RELN: variants seen among roughly 807,000 people sequenced by gnomAD.
RELN encodes reelin.
Under a neutral mutation model 427.6 loss-of-function variants are expected in RELN, and 108 were observed. The ratio of observed to expected loss-of-function variants is 0.25; its 90% CI spans 0.22 to 0.30. The LOEUF is 0.30. RELN is among the 10% of genes least tolerant of loss of function. The pLI is 1.00. For synonymous variants in RELN, 1,524 were observed against 1,513.4 expected, an observed-to-expected ratio of 1.01 and a Z score of -0.16; for missense variants, 3,715 against 4,302.8, an observed-to-expected ratio of 0.86 and a Z score of 3.82.
intron 11 of RELN, among the ~76,000 whole-genome samples, chr7:103,674,991 C>T (rs1057255774): frequency 6.6e-6 from 1 of 152,162 alleles, no homozygotes; most frequent in South Asian, 2.1e-4. Flanking sequence ...CAGAGATGCC[C>T]TCTCTCACCA....
At chr7:103,754,603 C>T (rs1433849290) in intron 4 of RELN, among the ~76,000 whole-genome samples, 4 of 119,204 alleles carry the variant, frequency 3.4e-5, no homozygotes, top group Non-Finnish European at 3.9e-5. Flanking sequence ...TAGGAGACCT[C>T]GTCTCTAAAA....
chr7:103,543,443 C>T (rs1159988634), intron 42 of RELN, among the ~76,000 whole-genome samples: 23 of 152,052 alleles, frequency 1.5e-4, no homozygotes, highest in Admixed American at 1.4e-3. Flanking sequence ...GTCAGGAGTT[C>T]GAGACCAGCC....
At chr7:103,808,510 G>T (rs778973324) in intron 3 of RELN, among the ~76,000 whole-genome samples, 20 of 150,966 alleles carry the variant, frequency 1.3e-4, no homozygotes, top group Non-Finnish European at 2.1e-4. Context: ...GACTTTTTAG[G>T]AAAATCTGTA....
At chr7:103,501,050 T>A in intron 52 of RELN, 128 bp from the exon 53 acceptor site, 1 of 835,168 alleles carries the variant, frequency 1.2e-6, no homozygotes, top group Non-Finnish European at 2.0e-6. Flanking sequence ...TGAAATAGGT[T>A]AATAAAAAAT....
At chr7:103,628,026 G>C (rs938953135) in intron 20 of RELN, 2 of 152,144 alleles carry the variant, frequency 1.3e-5, no homozygotes, top group Non-Finnish European at 2.9e-5. Flanking sequence ...TTGCATTCAT[G>C]ATATGATTCT....
intron 46 of RELN, among the ~76,000 whole-genome samples, chr7:103,530,912 A>G (rs1340174434): frequency 2.6e-5 from 4 of 152,134 alleles, no homozygotes. Context: ...TTTCTTGGGT[A>G]TATGTCTAAT....
chr7:103,930,019 GCCTCATATATT>G (rs1795826335), intron 1 of RELN, among the ~76,000 whole-genome samples: 1 of 152,208 alleles, frequency 6.6e-6, no homozygotes, highest in Non-Finnish European at 1.5e-5. Flanking sequence ...TAAGGCAAAG[GCCTCATATATT>G]GCTCACCTCA....
chr7:103,642,826 G>A (rs1250142187), intron 16 of RELN, among the ~76,000 whole-genome samples: 2 of 151,966 alleles, frequency 1.3e-5, no homozygotes, highest in South Asian at 2.1e-4. Context: ...AAAGTCACTC[G>A]TATTCTGCTA....
chr7:103,770,355 A>C (rs894346735), intron 4 of RELN, among the ~76,000 whole-genome samples: 2 of 152,296 alleles, frequency 1.3e-5, no homozygotes, highest in African/African-American at 4.8e-5. Context: ...AAGTGTTGGG[A>C]TTACAGGCAT....
At chr7:103,727,284 C>T (rs1790235856) in intron 7 of RELN, among the ~76,000 whole-genome samples, 1 of 151,938 alleles carries the variant, frequency 6.6e-6, no homozygotes, top group African/African-American at 2.4e-5. Context: ...AATAAAAGAA[C>T]AAGCATTAAA....
chr7:103,759,571 C>CT (rs1358082662), intron 4 of RELN, among the ~76,000 whole-genome samples: 2 of 152,088 alleles, frequency 1.3e-5, no homozygotes, highest in South Asian at 2.1e-4. Context: ...AGAGTTGCAG[C>CT]TTTTTTCCCA....
At chr7:103,757,011 C>T (rs10487169) in intron 4 of RELN, among the ~76,000 whole-genome samples, 9,866 of 152,068 alleles carry the variant, frequency 0.065, 381 homozygotes, top group African/African-American at 0.088. Flanking sequence ...TTTCTAAGCC[C>T]GTAGGAAGTT....
At chr7:103,756,800 T>A (rs1179540260) in intron 4 of RELN, among the ~76,000 whole-genome samples, 1 of 152,214 alleles carries the variant, frequency 6.6e-6, no homozygotes, top group Non-Finnish European at 1.5e-5. Flanking sequence ...CTGAGATAAC[T>A]AAACATTATT....
At position 103,553,551 on chromosome 7, in the gene RELN, T is replaced by C. The variant is rs1387852441; in HGVS notation, c.5982A>G (p.Ser1994=). 6.2e-7 allele frequency: 1 copy of C among 1,614,078 alleles called. No individual in the cohort carries two copies. Among genetic ancestry groups the C allele is most frequent in the Non-Finnish European group, 8.5e-7 (1 of 1,179,946 alleles). ...YSSKGAPEED[S]AMVFVSNEVG... The stretch of plus-strand genomic sequence containing the variant: ...CTTCATTTGAAACAAACACCATAGC[T>C]GAATCTTCTTCACTGTTACACAGGA... Residue 1994 remains serine (S), a synonymous_variant, in exon 40 of 65, where the codon TCA becomes TCG. Transcript: ENST00000428762.
chr7:103,812,833 T>C (rs1184249399), intron 3 of RELN, among the ~76,000 whole-genome samples: 1 of 152,158 alleles, frequency 6.6e-6, no homozygotes, highest in Non-Finnish European at 1.5e-5. Context: ...CTAATTTTCT[T>C]CCTAATATCA....
intron 6 of RELN, among the ~76,000 whole-genome samples, chr7:103,730,080 G>A (rs936495703): frequency 6.6e-6 from 1 of 152,046 alleles, no homozygotes; most frequent in African/African-American, 2.4e-5. Context: ...CCAAGTCATT[G>A]TGAAATGGCT....
intron 55 of RELN, 90 bp downstream of exon 55, chr7:103,497,730 G>T: frequency 9.5e-7 from 1 of 1,050,336 alleles, no homozygotes. Context: ...AAACTGTGAA[G>T]TCAGCAAAGC....
intron 3 of RELN, among the ~76,000 whole-genome samples, chr7:103,792,577 G>A (rs1792194194): frequency 7.2e-6 from 1 of 138,376 alleles, no homozygotes; most frequent in Admixed American, 7.3e-5. Flanking sequence ...GGGATGGGGG[G>A]ATGGGGAAAT....
At chr7:103,639,849 T>C (rs935304924) in intron 17 of RELN, among the ~76,000 whole-genome samples, 5 of 152,158 alleles carry the variant, frequency 3.3e-5, no homozygotes, top group African/African-American at 1.2e-4. Context: ...TTATTACAGA[T>C]TGCCTGTGGT....
Sources: gnomAD v4.1 joint callset for allele counts (sites outside exome capture counted in the v4.1 genomes callset) on GRCh38, gnomAD v4.1.1 for gene constraint, MANE v1.5 for transcripts, NCBI Gene and HGNC (gene_info 2026-07-23, HGNC 2026-07-21) for gene names.